HOMER3: variants seen among roughly 807,000 people sequenced by gnomAD.
HOMER3 encodes the protein homer protein homolog 3.
HOMER3 carries 34 observed loss-of-function variants against 45.5 expected under a neutral mutation model. That is an observed-to-expected ratio of 0.75 (90% CI 0.57 to 1.00). HOMER3 has a LOEUF of 1.00. HOMER3 is among the 50% of genes least tolerant of loss of function. The pLI, the probability that HOMER3 is intolerant of heterozygous loss-of-function variation, is 0.00. For missense variants in HOMER3, 480 were observed against 497.5 expected (o/e 0.96, Z 0.33); for synonymous variants, 223 against 208.8 (o/e 1.07, Z -0.58).
At chr19:18,929,849 T>C (rs1273284548) in intron 9 of HOMER3, among the ~76,000 whole-genome samples, 4 of 152,108 alleles carry the variant, frequency 2.6e-5, no homozygotes, top group African/African-American at 4.8e-5. Flanking sequence ...GTTTCGCTCT[T>C]GTCGCCCAGG....
At chr19:18,939,070 ATGAGT>A in intron 1 of HOMER3, 21 bp from the exon 2 acceptor site, 1 of 1,333,410 alleles carries the variant, frequency 7.5e-7, no homozygotes, top group Non-Finnish European at 1.0e-6. Flanking sequence ...AGGAGGGACT[ATGAGT>A]GTCCCTCAGG....
chr19:18,936,992 C>A (rs2057100205), intron 4 of HOMER3, among the ~76,000 whole-genome samples: 1 of 144,010 alleles, frequency 6.9e-6, no homozygotes, highest in Admixed American at 7.0e-5. Context: ...CAGAGCGAGA[C>A]TCCGTCTCAA....
intron 5 of HOMER3, among the ~76,000 whole-genome samples, chr19:18,933,620 G>T (rs547459963): frequency 2.0e-5 from 3 of 152,180 alleles, no homozygotes; most frequent in Non-Finnish European, 4.4e-5. Flanking sequence ...TACACAGCAG[G>T]TGCTCAATAA....
At chr19:18,938,687 G>C (rs376592730) in intron 3 of HOMER3, 41 bp downstream of exon 3, 3 of 1,567,496 alleles carry the variant, frequency 1.9e-6, no homozygotes, top group African/African-American at 2.7e-5. Flanking sequence ...GTTGTCACCA[G>C]GACTCCTGGT....
chr19:18,930,531 C>CA lies in HOMER3; in HGVS notation c.894+793dup, dbSNP rs112541885. ...TGGGCAACAGAGTGAGACTCCGTCT[C>CA]AAAAAAAAAAAAAAGTACCCCCTGA... On this transcript the variant is annotated intron_variant, in intron 9 of 9. Coordinates refer to ENST00000392351, the MANE Select transcript of HOMER3 (RefSeq NM_004838.4). 2.3e-3 allele frequency among the ~76,000 whole-genome samples: 284 copies of CA among 121,756 alleles called. 1 individual carries two copies. Among genetic ancestry groups the CA allele is most frequent in the East Asian group, 0.016 (69 of 4,262 alleles). 79.9% of individuals were successfully genotyped at this position (121,756 alleles called of 152,430 possible).
intron 4 of HOMER3, among the ~76,000 whole-genome samples, chr19:18,936,393 T>C (rs1328123721): frequency 6.6e-6 from 1 of 150,908 alleles, no homozygotes; most frequent in African/African-American, 2.4e-5. Flanking sequence ...TCCCATCACT[T>C]TGGGAGCCTG....
At position 18,934,361 on chromosome 19, in the gene HOMER3, TC is replaced by T. The variant is rs2057069362; in HGVS notation, c.352del (p.Glu118ArgfsTer54). The part of the protein sequence containing the change: ...EVKEAARLAR[E>X]KSQDGGELTS... The stretch of plus-strand genomic sequence containing the variant: ...GAGCTCCCCGCCATCCTGAGATTTC[TC>T]CCTGGCCAGCCTGGCTGCTTCCTTC... On this transcript the variant is annotated frameshift_variant, in exon 5 of 10. Coordinates refer to ENST00000392351, the MANE Select transcript of HOMER3 (RefSeq NM_004838.4). LOFTEE classifies it high-confidence loss of function. The T allele has an allele frequency of 1.9e-6, 3 of 1,592,476 alleles. No individual in the cohort carries two copies. The highest frequency in any genetic ancestry group is 2.6e-6 in the Non-Finnish European group (3 of 1,169,954).
chr19:18,938,767 G>C lies in HOMER3; in HGVS notation c.132C>G (p.Thr44=). 1 of 1,599,820 alleles carries C rather than the reference G, an allele frequency of 6.3e-7. No homozygotes were observed. The highest frequency in any genetic ancestry group is 1.1e-5 in the South Asian group (1 of 88,210). Residue 44 remains threonine, a synonymous_variant, in exon 3 of 10, where the codon ACC becomes ACG. Transcript: ENST00000392351. ...ALTVSYFYDA[T]RNVYRIISIG... ...TGCTGATGATGCGGTACACATTGCG[G>C]GTGGCATCGTAGAAATAGGAGACAG...
chr19:18,931,640 TAGC>T lies in HOMER3; in HGVS notation c.691-18_691-16del, dbSNP rs1360669208. The T allele has an allele frequency of 6.3e-7, 1 of 1,584,994 alleles. No individual in the cohort carries two copies. The highest frequency in any genetic ancestry group is 8.6e-7 in the Non-Finnish European group (1 of 1,166,116). On this transcript the variant is annotated splice_polypyrimidine_tract_variant and intron_variant, in intron 7 of 9. Coordinates refer to ENST00000392351, the MANE Select transcript of HOMER3 (RefSeq NM_004838.4). ...AGCTCAGCCACCTGTAGGGCAGGAA[TAGC>T]AGCCCCTGACGCCCCCGCCTGCACT...
chr19:18,938,874 T>C lies in HOMER3; in HGVS notation c.25A>G (p.Ile9Val), dbSNP rs199645270. 18 of 1,605,178 alleles carry C rather than the reference T, an allele frequency of 1.1e-5. No homozygotes were observed. Among genetic ancestry groups the C allele is most frequent in the Admixed American group, 8.6e-5 (5 of 58,442 alleles). Residue 9 changes from isoleucine (I) to valine (V), a missense_variant, in exon 3 of 10, where the codon ATC becomes GTC. Transcript: ENST00000392351. MSTAREQPIFSTRAHVFQI... is the reference protein window; with the variant it reads MSTAREQPVFSTRAHVFQI... ...AACACGTGCGCCCGTGTGCTGAAGA[T>C]TGGCTGCTCCCTGCGTGGGGAGAGG...
chr19:18,938,052 C>T lies in HOMER3; in HGVS notation c.303+301G>A, dbSNP rs1037783278. ...AATAAAATACAAAAAATTAGCTGGG[C>T]GTGGTGGCGGACTCCTGTAGTCCCA... On this transcript the variant is annotated intron_variant, in intron 4 of 9. Transcript: ENST00000392351. 2.6e-5 allele frequency among the ~76,000 whole-genome samples: 4 copies of T among 151,694 alleles called. No individual in the cohort carries two copies. The East Asian group carries it at 5.8e-4, about 22-fold the overall frequency.
chr19:18,934,406 G>C lies in HOMER3; in HGVS notation c.308C>G (p.Ala103Gly), dbSNP rs749623204. The change falls in exon 5 of 10, where the codon GCC becomes GGC. Residue 103 changes from alanine to glycine, a missense_variant. Physicochemically the swap from Ala to Gly is moderately conservative, Grantham distance 60. Coordinates refer to ENST00000392351, the MANE Select transcript of HOMER3 (RefSeq NM_004838.4). ...FASEQHLTQF[A>G]EKFQEVKEAA... ...TTCCTTCACTTCCTGGAACTTCTCG[G>C]CAAACTAAGGGAGTGGGGAGGAAAA... 2.5e-6 allele frequency: 4 copies of C among 1,581,442 alleles called. No homozygotes were observed.
At chr19:18,931,484 C>A in intron 8 of HOMER3, 25 bp downstream of exon 8, 1 of 1,612,068 alleles carries the variant, frequency 6.2e-7, no homozygotes. Context: ...GAAGGCGAGG[C>A]CCAGGAACCA....
intron 4 of HOMER3, among the ~76,000 whole-genome samples, chr19:18,935,322 C>G (rs2145127856): frequency 6.6e-6 from 1 of 151,938 alleles, no homozygotes; most frequent in Admixed American, 6.6e-5. Flanking sequence ...GTATTTAGTA[C>G]AGATGGGGTT....
chr19:18,940,570 C>T (rs1354360818), intron 1 of HOMER3: 5 of 152,372 alleles, frequency 3.3e-5, no homozygotes, highest in Non-Finnish European at 7.3e-5. Context: ...GCGACGCCCC[C>T]TGTCTCTGGG....
chr19:18,932,274 C>A lies in HOMER3; in HGVS notation c.534-142G>T, dbSNP rs1485089282. 2.0e-5 allele frequency: 12 copies of A among 587,508 alleles called. 1 individual carries two copies. Among genetic ancestry groups the A allele is most frequent in the African/African-American group, 2.5e-5 (1 of 39,942 alleles). 36.4% of individuals were successfully genotyped at this position (587,508 alleles called of 1,614,324 possible). On this transcript the variant is annotated intron_variant, in intron 6 of 9. Coordinates refer to ENST00000392351, the MANE Select transcript of HOMER3 (RefSeq NM_004838.4). Reference sequence around the variant, plus strand: ...AGGCTGGCGAGGGTGCGGAGTCGTGCGCGAAGTTGGACTAGGGGGCGGGGC... The same window carrying A: ...AGGCTGGCGAGGGTGCGGAGTCGTGAGCGAAGTTGGACTAGGGGGCGGGGC...
At chr19:18,934,871 G>GTTTT (rs578069119) in intron 4 of HOMER3, among the ~76,000 whole-genome samples, 1 of 121,794 alleles carries the variant, frequency 8.2e-6, no homozygotes, top group African/African-American at 2.7e-5. Context: ...CCTGTTTTTT[G>GTTTT]TTTTTTTTTT....
At position 18,932,895 on chromosome 19, in the gene HOMER3, CTGCCACGCCCCCAAGT is replaced by C; in HGVS notation, c.533+13_533+28del. On this transcript the variant is annotated intron_variant, in intron 6 of 9. Transcript: ENST00000392351. ...TCGTCCCCCACCCCTACCCCCGCCC[CTGCCACGCCCCCAAGT>C]CCCGCCCCTCACCCCTCAGACAACA... 4.0e-6 allele frequency: 5 copies of C among 1,263,442 alleles called. No individual in the cohort carries two copies. Among genetic ancestry groups the C allele is most frequent in the Non-Finnish European group, 5.2e-6 (5 of 968,816 alleles). The allele number at this position is 1,263,442 out of a possible 1,614,324, so 78.3% of individuals were successfully genotyped here. A position where few individuals can be genotyped will look rare whatever the true frequency, so the allele number is the denominator to read the frequency against.
chr19:18,938,302 C>T (rs2057115874), intron 4 of HOMER3, 51 bp downstream of exon 4: 2 of 1,562,186 alleles, frequency 1.3e-6, no homozygotes, highest in Non-Finnish European at 1.7e-6. Context: ...CAGGAGAAGA[C>T]TTGGGCCCAG....
Sources: allele counts gnomAD v4.1 joint callset (sites outside exome capture counted in the v4.1 genomes callset), GRCh38; gene constraint gnomAD v4.1.1; transcripts MANE v1.5; gene names NCBI Gene and HGNC (gene_info 2026-07-23, HGNC 2026-07-21).